FAF2: variants seen among roughly 807,000 people sequenced by gnomAD.
The protein encoded by FAF2 is FAS-associated factor 2.
In FAF2, 9 loss-of-function variants were observed where a neutral mutation model predicts 62.3. The observed-to-expected ratio is 0.14, with a 90% CI of 0.09 to 0.25. The LOEUF is 0.25. FAF2 is among the 10% of genes least tolerant of loss of function. FAF2 has a pLI of 1.00. For missense variants in FAF2, 368 were observed against 556.2 expected, an observed-to-expected ratio of 0.66 and a Z score of 3.40; for synonymous variants, 202 against 198.0, an observed-to-expected ratio of 1.02 and a Z score of -0.17.
At chr5:176,495,538 G>A (rs1241726688) in intron 7 of FAF2, among the ~76,000 whole-genome samples, 1 of 135,242 alleles carries the variant, frequency 7.4e-6, no homozygotes, top group Non-Finnish European at 1.5e-5. Context: ...TTGAGACCAA[G>A]TTTTACTCTG....
In FAF2 at chr5:176,451,869, TAC is replaced by T. The variant is rs1362388520; in HGVS notation, c.63+3405_63+3406del. The stretch of plus-strand genomic sequence containing the variant: ...ACACATATATATACACATATATATA[TAC>T]ACACATATATATATATATATATTTT... On this transcript the variant is annotated intron_variant, in intron 1 of 10. Coordinates refer to ENST00000261942, the MANE Select transcript of FAF2 (RefSeq NM_014613.3). Among the ~76,000 whole-genome samples, 104 of 34,838 alleles carry T rather than the reference TAC, an allele frequency of 3.0e-3. 7 individuals carry two copies. Among genetic ancestry groups the T allele is most frequent in the African/African-American group, 7.7e-3 (60 of 7,834 alleles). 22.9% of individuals were successfully genotyped at this position (34,838 alleles called of 152,430 possible).
chr5:176,487,471 C>T (rs1758895222), intron 3 of FAF2, among the ~76,000 whole-genome samples: 1 of 152,170 alleles, frequency 6.6e-6, no homozygotes, highest in South Asian at 2.1e-4. Flanking sequence ...GCTTGAGGCA[C>T]TGTGCCTGGC....
chr5:176,501,971 G>A (rs568050420), intron 10 of FAF2, among the ~76,000 whole-genome samples: 6 of 152,082 alleles, frequency 3.9e-5, no homozygotes, highest in African/African-American at 1.2e-4. Flanking sequence ...TGGTCAGGCC[G>A]GTCTCGAACT....
chr5:176,476,293 TG>T (rs1758688533), intron 1 of FAF2, among the ~76,000 whole-genome samples: 1 of 152,004 alleles, frequency 6.6e-6, no homozygotes, highest in South Asian at 2.1e-4. Context: ...AAAAAAACAG[TG>T]TATTAATGTA....
chr5:176,479,293 T>A (rs368169896), intron 2 of FAF2, 37 bp downstream of exon 2: 1 of 1,527,666 alleles, frequency 6.5e-7, no homozygotes, highest in South Asian at 1.1e-5. Flanking sequence ...TTTCTTTTTC[T>A]CTGGTCTGAT....
intron 10 of FAF2, among the ~76,000 whole-genome samples, chr5:176,503,018 A>T (rs575931219): frequency 6.6e-6 from 1 of 152,206 alleles, no homozygotes; most frequent in East Asian, 1.9e-4. Flanking sequence ...ATTGCACTCC[A>T]GCCTGGGCGA....
At chr5:176,489,701 C>T (rs978730922) in intron 4 of FAF2, among the ~76,000 whole-genome samples, 1 of 152,134 alleles carries the variant, frequency 6.6e-6, no homozygotes, top group African/African-American at 2.4e-5. Context: ...CCACGCCTGG[C>T]TAATTTTTGT....
chr5:176,501,132 T>A (rs114911429), intron 10 of FAF2, among the ~76,000 whole-genome samples: 4,743 of 147,324 alleles, frequency 0.032, 159 homozygotes, highest in African/African-American at 0.082. Context: ...AAAAAAAAAA[T>A]AAATAATAAT....
intron 1 of FAF2, among the ~76,000 whole-genome samples, chr5:176,462,967 AAAC>A (rs2113720889): frequency 6.6e-6 from 1 of 152,334 alleles, no homozygotes; most frequent in South Asian, 2.1e-4. Flanking sequence ...ATTTCTCTTG[AAAC>A]AACGTTTCTG....
At chr5:176,499,951 A>G (rs1755566571) in intron 9 of FAF2, 52 bp from the exon 10 acceptor site, 2 of 1,598,922 alleles carry the variant, frequency 1.3e-6, no homozygotes, top group Non-Finnish European at 1.7e-6. Flanking sequence ...CTACATGGTC[A>G]TTGTATTTAT....
Position 176,494,121 on chromosome 5 carries a change from T to C in FAF2, c.569+37T>C. The C allele has an allele frequency of 6.2e-7, 1 of 1,610,488 alleles. No individual in the cohort carries two copies. Among genetic ancestry groups the C allele is most frequent in the Non-Finnish European group, 8.5e-7 (1 of 1,176,882 alleles). On this transcript the variant is annotated intron_variant, in intron 6 of 10. Transcript: ENST00000261942. This position sits in a 1 kb window ranked among gnomAD's most constrained non-coding sequence, Gnocchi z 4.0. ...GATTATTTTCCTTCTCTTTTCTGAC[T>C]CTTTCTGGTGACAGTTTATAGTCAG... is the stretch of plus-strand genomic sequence containing the variant.
At chr5:176,459,494 G>A (rs927793188) in intron 1 of FAF2, among the ~76,000 whole-genome samples, 14 of 151,934 alleles carry the variant, frequency 9.2e-5, no homozygotes, top group Admixed American at 5.9e-4. Context: ...CAAACTCCTG[G>A]GCTCAAGCGA....
rs961377635 is a variant in FAF2 at position 176,451,720 on chromosome 5, T to G, written c.63+3250T>G. ...ACACATGAATAATGGGTATGCGATA[T>G]ATATAGATATATATATATGTGTATA... On this transcript the variant is annotated intron_variant, in intron 1 of 10. Transcript: ENST00000261942. Among the ~76,000 whole-genome samples the G allele has an allele frequency of 2.9e-5, 4 of 139,102 alleles. No individual in the cohort carries two copies. In the East Asian group the frequency reaches 8.1e-4, roughly 28 times the overall value. 91.3% of individuals were successfully genotyped at this position (139,102 alleles called of 152,430 possible).
chr5:176,498,364 C>A (rs1348664758), intron 8 of FAF2, among the ~76,000 whole-genome samples: 1 of 152,142 alleles, frequency 6.6e-6, no homozygotes, highest in East Asian at 1.9e-4. Flanking sequence ...ATCTGTTCAA[C>A]TATTTTGATT....
At chr5:176,492,173 T>C in intron 4 of FAF2, 21 bp from the exon 5 acceptor site, 1 of 1,614,016 alleles carries the variant, frequency 6.2e-7, no homozygotes, top group Non-Finnish European at 8.5e-7. Context: ...ATTCATGTGA[T>C]ATTTATTCCT....
intron 1 of FAF2, among the ~76,000 whole-genome samples, chr5:176,465,601 A>G (rs1435207145): frequency 6.6e-6 from 1 of 152,182 alleles, no homozygotes; most frequent in Non-Finnish European, 1.5e-5. Context: ...TCCTGACCTC[A>G]GGTGATCTGC....
chr5:176,453,540 T>C (rs1349957734), intron 1 of FAF2: 3 of 152,080 alleles, frequency 2.0e-5, no homozygotes, highest in African/African-American at 7.2e-5. Flanking sequence ...CTGACTATAT[T>C]ACCTAAAGGA....
intron 8 of FAF2, chr5:176,497,001 C>T (rs1211895689): frequency 6.3e-6 from 1 of 159,412 alleles, no homozygotes; most frequent in Non-Finnish European, 1.4e-5. Context: ...AAAAAATTAG[C>T]TAGGCATGGT....
At chr5:176,477,628 T>A (rs13170832) in intron 1 of FAF2, among the ~76,000 whole-genome samples, 1 of 152,236 alleles carries the variant, frequency 6.6e-6, no homozygotes, top group African/African-American at 2.4e-5. Context: ...TTAACATTTT[T>A]TATTGCAAGT....
Sources: allele counts gnomAD v4.1 joint callset (sites outside exome capture counted in the v4.1 genomes callset), GRCh38; gene constraint gnomAD v4.1.1; non-coding constraint Gnocchi (gnomAD v3.1); transcripts MANE v1.5; gene names NCBI Gene and HGNC (gene_info 2026-07-23, HGNC 2026-07-21).